Variants in SUN5 observed in about 807,000 individuals in gnomAD.
SUN5 encodes the protein Sad1 and UNC84 domain containing 5, also known as SUN domain-containing protein 5.
SUN5 carries 44 observed loss-of-function variants against 53.7 expected under a neutral mutation model. The observed-to-expected ratio is 0.82, with a 90% CI of 0.64 to 1.05. The LOEUF (loss-of-function observed/expected upper bound fraction) is 1.05. Ranked by LOEUF, SUN5 falls within the 50% of genes least tolerant of loss-of-function variation. The pLI, the probability that SUN5 is intolerant of heterozygous loss-of-function variation, is 0.00. For missense variants in SUN5, 433 were observed against 483.8 expected, an observed-to-expected ratio of 0.90 and a Z score of 0.98; for synonymous variants, 166 against 179.8, an observed-to-expected ratio of 0.92 and a Z score of 0.62.
intron 8 of SUN5, among the ~76,000 whole-genome samples, chr20:32,991,221 C>T (rs183125087): frequency 4.6e-5 from 7 of 152,326 alleles, no homozygotes; most frequent in Non-Finnish European, 8.8e-5. Flanking sequence ...AGGGCAAGGA[C>T]GAGCTCTAGT....
chr20:32,985,271 C>T (rs1438633437), intron 11 of SUN5, 86 bp from the exon 12 acceptor site: 1 of 1,260,220 alleles, frequency 7.9e-7, no homozygotes, highest in South Asian at 1.3e-5. Context: ...GACTTGCACA[C>T]TCCCCAGGAT....
intron 8 of SUN5, among the ~76,000 whole-genome samples, chr20:32,993,985 C>T (rs1989774035): frequency 6.6e-6 from 1 of 152,174 alleles, no homozygotes; most frequent in Non-Finnish European, 1.5e-5. Flanking sequence ...ACCCAGGAAT[C>T]CAAGTTTGCT....
chr20:32,992,812 T>C (rs1989744355), intron 8 of SUN5, among the ~76,000 whole-genome samples: 1 of 152,012 alleles, frequency 6.6e-6, no homozygotes, highest in Non-Finnish European at 1.5e-5. Context: ...GAAAAGACAC[T>C]CCACATTATT....
intron 9 of SUN5, among the ~76,000 whole-genome samples, chr20:32,989,082 C>T (rs900785784): frequency 1.3e-5 from 2 of 152,076 alleles, no homozygotes; most frequent in African/African-American, 2.4e-5. Context: ...CCCACCACCA[C>T]GCTCAGCTAA....
At chr20:32,986,400 A>C (rs1989540507) in intron 10 of SUN5, among the ~76,000 whole-genome samples, 1 of 152,158 alleles carries the variant, frequency 6.6e-6, no homozygotes, top group South Asian at 2.1e-4. Context: ...CTCCTGCCCC[A>C]CAGACGGGGA....
At chr20:33,002,515 G>A in intron 3 of SUN5, 72 bp downstream of exon 3, 1 of 1,512,884 alleles carries the variant, frequency 6.6e-7, no homozygotes, top group South Asian at 1.1e-5. Context: ...CCCCAGGTCA[G>A]CCTGGGCCGA....
At chr20:33,002,205 G>A (rs1990067868) in intron 3 of SUN5, among the ~76,000 whole-genome samples, 1 of 152,092 alleles carries the variant, frequency 6.6e-6, no homozygotes, top group Admixed American at 6.6e-5. Flanking sequence ...ATGAGAGAAT[G>A]GGAGACTGAA....
In SUN5 at chr20:32,995,688, G is replaced by A; in HGVS notation, c.465C>T (p.Ile155=). 1 of 1,614,154 alleles carries A rather than the reference G, an allele frequency of 6.2e-7. No individual in the cohort carries two copies. The highest frequency in any genetic ancestry group is 8.5e-7 in the Non-Finnish European group (1 of 1,180,030). ...GGTTCATGCTACCTCGGAGGTCCTG[G>A]ATTTCCCCACTGTGATGTCGCACCT... ...QEKVRHHSGE[I]QDLRGSMNQL... Residue 155 remains isoleucine, a synonymous_variant, in exon 8 of 13, where the codon ATC becomes ATT. Coordinates refer to ENST00000356173, the MANE Select transcript of SUN5 (RefSeq NM_080675.4).
intron 8 of SUN5, among the ~76,000 whole-genome samples, chr20:32,994,009 G>T (rs1241537399): frequency 1.3e-5 from 2 of 152,208 alleles, no homozygotes; most frequent in Non-Finnish European, 2.9e-5. Context: ...GGCGGAGAAG[G>T]CTGCCACCAG....
intron 8 of SUN5, among the ~76,000 whole-genome samples, chr20:32,990,444 C>A (rs2146327870): frequency 6.6e-6 from 1 of 152,346 alleles, no homozygotes; most frequent in South Asian, 2.1e-4. Context: ...CCAGGCTCTT[C>A]TTTCAGTGTG....
In SUN5 at chr20:32,983,809, G is replaced by T; in HGVS notation, c.1125C>A (p.Tyr375Ter). The T allele has an allele frequency of 6.4e-7, 1 of 1,553,564 alleles. No individual in the cohort carries two copies. Residue 375 changes from tyrosine (Y) to a stop codon, truncating the protein, a stop_gained, in exon 13 of 13, where the codon TAC becomes TAA. Coordinates refer to ENST00000356173, the MANE Select transcript of SUN5 (RefSeq NM_080675.4). LOFTEE classifies it high-confidence loss of function. Reference sequence around the variant, plus strand: ...AGAATAAATTTTAATCTCTCTTAGGGTAGGGGTTCTGGTGAGGCTGCTCTC... The same window carrying T: ...AGAATAAATTTTAATCTCTCTTAGGTTAGGGGTTCTGGTGAGGCTGCTCTC... ...PPREQPHQNP[Y>*]PKRD
intron 7 of SUN5, among the ~76,000 whole-genome samples, chr20:32,996,022 C>T (rs1989837285): frequency 6.6e-6 from 1 of 152,160 alleles, no homozygotes; most frequent in Admixed American, 6.5e-5. Flanking sequence ...TTCTTCTCAG[C>T]TACCATTTGC....
chr20:32,984,067 A>C (rs1989468454), intron 12 of SUN5, 118 bp from the exon 13 acceptor site: 3 of 1,321,768 alleles, frequency 2.3e-6, no homozygotes, highest in East Asian at 2.7e-5. Context: ...AGGCCCAGAC[A>C]GGAGGATGGA....
At chr20:33,003,049 A>T in intron 1 of SUN5, 130 bp from the exon 2 acceptor site, 4 of 1,033,446 alleles carry the variant, frequency 3.9e-6, no homozygotes, top group Non-Finnish European at 5.7e-6. Context: ...CCAGCCTGTG[A>T]TTCAGGGACA....
rs181696917 is a variant in SUN5, at chr20:33,001,217, C to T, written c.273G>A (p.Thr91=). 50 of 1,573,630 alleles carry T rather than the reference C, an allele frequency of 3.2e-5. No homozygotes were observed. Among genetic ancestry groups the T allele is most frequent in the African/African-American group, 2.8e-4 (21 of 74,352 alleles). ...CCCCTGCCTTCCCTGCTCACCTGCA[C>T]GTGTTAAACAGAACCTGCTGGGCCT... The part of the protein sequence containing the change: ...RTQAQQVLFN[T]CRCKLLCQKL... Residue 91 remains threonine (T), a synonymous_variant, in exon 4 of 13, where the codon ACG becomes ACA. Coordinates refer to ENST00000356173, the MANE Select transcript of SUN5 (RefSeq NM_080675.4).
chr20:32,990,473 G>A (rs1600492595), intron 8 of SUN5, among the ~76,000 whole-genome samples: 1 of 152,296 alleles, frequency 6.6e-6, no homozygotes, highest in South Asian at 2.1e-4. Context: ...CTGAGAGTTG[G>A]GGTCTAAGCT....
At chr20:32,996,201 G>T in intron 7 of SUN5, 123 bp downstream of exon 7, 1 of 941,254 alleles carries the variant, frequency 1.1e-6, no homozygotes, top group Non-Finnish European at 1.6e-6. Flanking sequence ...AGGCATGGGA[G>T]TTAGGATTTA....
At chr20:32,987,443 C>T (rs912912419) in intron 10 of SUN5, among the ~76,000 whole-genome samples, 1 of 151,990 alleles carries the variant, frequency 6.6e-6, no homozygotes, top group Admixed American at 6.5e-5. Context: ...GTTCTCACCT[C>T]CTGCCCCCGC....
intron 8 of SUN5, among the ~76,000 whole-genome samples, chr20:32,994,794 G>T (rs919866750): frequency 3.3e-5 from 5 of 151,980 alleles, no homozygotes; most frequent in African/African-American, 1.2e-4. Flanking sequence ...AGCTACTCAG[G>T]TGTAGGATGC....
Sources: gnomAD v4.1 joint callset for allele counts (sites outside exome capture counted in the v4.1 genomes callset) on GRCh38, gnomAD v4.1.1 for gene constraint, MANE v1.5 for transcripts, NCBI Gene and HGNC (gene_info 2026-07-23, HGNC 2026-07-21) for gene names.